DGCR8: variants seen among roughly 807,000 people sequenced by gnomAD.
The protein encoded by DGCR8 is microprocessor complex subunit DGCR8.
A neutral mutation model predicts 78.5 loss-of-function variants in DGCR8; 14 were observed. That is an observed-to-expected ratio of 0.18 (90% CI 0.12 to 0.28). DGCR8 has a LOEUF of 0.28. Among genes scored for constraint, DGCR8 ranks in the 10% least tolerant of loss-of-function variants. The probability of loss-of-function intolerance (pLI) is 1.00; values close to 1 mark genes in which losing one functional copy is unlikely to be tolerated. For synonymous variants in DGCR8, 399 were observed against 402.4 expected (o/e 0.99, Z 0.10); for missense variants, 702 against 1,022.5 (o/e 0.69, Z 4.28).
At chr22:20,109,357 A>C (rs1278268375) in intron 13 of DGCR8, among the ~76,000 whole-genome samples, 1 of 152,064 alleles carries the variant, frequency 6.6e-6, no homozygotes, top group Non-Finnish European at 1.5e-5. Context: ...GAAGCCTCCT[A>C]AAGCCACCTT....
intron 9 of DGCR8, among the ~76,000 whole-genome samples, chr22:20,103,367 C>T (rs899492624): frequency 4.6e-5 from 7 of 152,114 alleles, no homozygotes; most frequent in African/African-American, 1.7e-4. Flanking sequence ...ATGTATGGCA[C>T]TGTGATGAAT....
In DGCR8 at chr22:20,111,711, C is replaced by T. The variant is rs1170535111; in HGVS notation, c.*1603C>T. 5.5e-5 allele frequency: 7 copies of T among 127,776 alleles called. No homozygotes were observed. Among genetic ancestry groups the T allele is most frequent in the Non-Finnish European group, 1.0e-4 (7 of 67,374 alleles). 7.9% of individuals were successfully genotyped at this position (127,776 alleles called of 1,614,324 possible). A position where few individuals can be genotyped will look rare whatever the true frequency, so the allele number is the denominator to read the frequency against. ...TACTCTTGTGGTCTCTGTGCGCCCC[C>T]CCCCCCCCCCCACCCGTCTGCCAAG... On this transcript the variant is annotated 3_prime_UTR_variant, in exon 14 of 14. Coordinates refer to ENST00000351989, the MANE Select transcript of DGCR8 (RefSeq NM_022720.7).
chr22:20,098,320 G>A (rs2049655379), intron 9 of DGCR8, among the ~76,000 whole-genome samples: 1 of 152,002 alleles, frequency 6.6e-6, no homozygotes, highest in Non-Finnish European at 1.5e-5. Flanking sequence ...TGGTTTCTTA[G>A]TCCTTTGAGT....
At position 20,085,639 on chromosome 22, in the gene DGCR8, TG is replaced by T. The variant is rs1315335885; in HGVS notation, c.-277-46del. The T allele has an allele frequency of 1.6e-6, 2 of 1,273,506 alleles. No individual in the cohort carries two copies. The highest frequency in any genetic ancestry group is 3.1e-5 in the African/African-American group (2 of 64,802). The allele number at this position is 1,273,506 out of a possible 1,614,324, so 78.9% of individuals were successfully genotyped here. ...GGCTTTTAACTTGGTACCAGGGAAT[TG>T]GAAGGTTTCTGTCATTTTGTGACGA... is the stretch of plus-strand genomic sequence containing the variant. On this transcript the variant is annotated intron_variant, in intron 1 of 13. Coordinates refer to ENST00000351989, the MANE Select transcript of DGCR8 (RefSeq NM_022720.7). This position sits in a 1 kb window ranked among gnomAD's most constrained non-coding sequence, Gnocchi z 6.2.
intron 9 of DGCR8, chr22:20,096,393 TC>T: frequency 1.0e-6 from 1 of 976,764 alleles, no homozygotes; most frequent in South Asian, 4.7e-5. Flanking sequence ...GGAGTTCAAA[TC>T]CATGTTGTTC....
intron 9 of DGCR8, among the ~76,000 whole-genome samples, chr22:20,095,919 G>A (rs551667022): frequency 8.3e-4 from 126 of 152,252 alleles, no homozygotes; most frequent in African/African-American, 2.9e-3. Flanking sequence ...TCCCTTGAAT[G>A]CACTGTTCAC....
chr22:20,090,526 C>T (rs972097301), intron 5 of DGCR8, among the ~76,000 whole-genome samples: 2 of 152,038 alleles, frequency 1.3e-5, no homozygotes, highest in Admixed American at 6.6e-5. Context: ...GGCAGTGGGC[C>T]GTTTTCTCTC....
chr22:20,092,029 G>T, intron 7 of DGCR8, 59 bp downstream of exon 7: 1 of 1,373,822 alleles, frequency 7.3e-7, no homozygotes, highest in Non-Finnish European at 1.0e-6. Context: ...CTTTGGTCAG[G>T]GCTGGGGAGG....
Position 20,106,351 on chromosome 22 carries a change from C to T in DGCR8, c.1889+74C>T. ...TCTCTGGCGTCTCATATTCTTGTGG[C>T]TGTTTGTCCCAAGGCAGAGGCATGG... On this transcript the variant is annotated intron_variant, in intron 10 of 13. Transcript: ENST00000351989. 2.3e-6 allele frequency: 3 copies of T among 1,329,922 alleles called. No homozygotes were observed. The South Asian group carries it at 3.6e-5, about 16-fold the overall frequency. 82.4% of individuals were successfully genotyped at this position (1,329,922 alleles called of 1,614,324 possible).
At chr22:20,092,062 C>T in intron 7 of DGCR8, 92 bp downstream of exon 7, 3 of 985,692 alleles carry the variant, frequency 3.0e-6, no homozygotes, top group Middle Eastern at 2.1e-4. Context: ...GCTAGCCCTA[C>T]TCTACTGGAA....
Position 20,090,335 on chromosome 22 carries a change from G to T in DGCR8, c.1306+77G>T, listed in dbSNP as rs903137379. 2.7e-5 allele frequency: 40 copies of T among 1,475,026 alleles called. No homozygotes were observed. In the East Asian group the frequency reaches 3.0e-4, roughly 11 times the overall value. 91.4% of individuals were successfully genotyped at this position (1,475,026 alleles called of 1,614,324 possible). A position where few individuals can be genotyped will look rare whatever the true frequency, so the allele number is the denominator to read the frequency against. ...TGTTTTTCTAATGAAGGCCATAATT[G>T]TTCATAGTTCCTAGTTGTACTTGTG... is the stretch of plus-strand genomic sequence containing the variant. On this transcript the variant is annotated intron_variant, in intron 5 of 13. Transcript: ENST00000351989.
chr22:20,093,143 T>C lies in DGCR8; in HGVS notation c.1705+236T>C, dbSNP rs532160977. The stretch of plus-strand genomic sequence containing the variant: ...GGCCTCGGCCGGGCGTGGTGTCTCA[T>C]GCCTGTAATCCCAGCACTTTGGGAG... On this transcript the variant is annotated intron_variant, in intron 8 of 13. Transcript: ENST00000351989. Among the ~76,000 whole-genome samples, 56 of 152,116 alleles carry C rather than the reference T, an allele frequency of 3.7e-4. No homozygotes were observed. In the South Asian group the frequency reaches 0.01, roughly 28 times the overall value.
intron 6 of DGCR8, 65 bp from the exon 7 acceptor site, chr22:20,091,804 C>G: frequency 6.5e-7 from 1 of 1,526,840 alleles, no homozygotes; most frequent in East Asian, 2.3e-5. Flanking sequence ...GACATGGTAA[C>G]AGGAAGCTGT....
At position 20,080,350 on chromosome 22, in the gene DGCR8, TGCGGGCGGCTTGGGCAGCCC is replaced by T. The variant is rs2049402842; in HGVS notation, c.-303_-284del. ...GAGGCTTTCCCGGCTGTGGTTTGGC[TGCGGGCGGCTTGGGCAGCCC>T]GCGGGCGCCTCAGGTAGGTGCGGGG... On this transcript the variant is annotated 5_prime_UTR_variant, in exon 1 of 14. Coordinates refer to ENST00000351989, the MANE Select transcript of DGCR8 (RefSeq NM_022720.7). 1 of 980,150 alleles carries T rather than the reference TGCGGGCGGCTTGGGCAGCCC, an allele frequency of 1.0e-6. No homozygotes were observed. Among genetic ancestry groups the T allele is most frequent in the African/African-American group, 1.8e-5 (1 of 56,598 alleles). 60.7% of individuals were successfully genotyped at this position (980,150 alleles called of 1,614,324 possible). A position where few individuals can be genotyped will look rare whatever the true frequency, so the allele number is the denominator to read the frequency against.
intron 1 of DGCR8, among the ~76,000 whole-genome samples, chr22:20,081,511 G>C (rs2049418015): frequency 1.3e-5 from 2 of 152,232 alleles, no homozygotes; most frequent in South Asian, 2.1e-4. Flanking sequence ...GCGGCCAGGC[G>C]CTGTGTGGAG....
chr22:20,091,688 T>C, intron 6 of DGCR8, 56 bp downstream of exon 6: 3 of 1,594,558 alleles, frequency 1.9e-6, no homozygotes, highest in Non-Finnish European at 2.6e-6. Flanking sequence ...ATTTCTAATG[T>C]GATGTGTTGA....
At chr22:20,091,382 T>C in intron 5 of DGCR8, 53 bp from the exon 6 acceptor site, 1 of 1,593,402 alleles carries the variant, frequency 6.3e-7, no homozygotes, top group South Asian at 1.1e-5. Context: ...TGTGAGAACC[T>C]GACTCCTATG....
rs2049401523 is a variant in DGCR8 at position 20,080,272 on chromosome 22, G to A, written c.-389G>A. The A allele has an allele frequency of 1.0e-5, 10 of 980,544 alleles. 1 individual carries two copies. In the South Asian group the frequency reaches 3.3e-4, roughly 32 times the overall value. 60.7% of individuals were successfully genotyped at this position (980,544 alleles called of 1,614,324 possible). ...TCGCCCGGCGCGGCAGGCGGGTGCC[G>A]GCGACCGGAGAGCCTGGACAGGCTT... On this transcript the variant is annotated 5_prime_UTR_variant, in exon 1 of 14. Coordinates refer to ENST00000351989, the MANE Select transcript of DGCR8 (RefSeq NM_022720.7).
chr22:20,091,811 C>G, intron 6 of DGCR8, 58 bp from the exon 7 acceptor site: 1 of 1,541,332 alleles, frequency 6.5e-7, no homozygotes, highest in East Asian at 2.3e-5. Flanking sequence ...TAACAGGAAG[C>G]TGTGTGCTAG....
Sources: gnomAD v4.1 joint callset for allele counts (sites outside exome capture counted in the v4.1 genomes callset) on GRCh38, gnomAD v4.1.1 for gene constraint, Gnocchi (gnomAD v3.1) non-coding constraint, MANE v1.5 for transcripts, NCBI Gene and HGNC (gene_info 2026-07-23, HGNC 2026-07-21) for gene names.